RCC1L: variants seen among roughly 807,000 people sequenced by gnomAD.
RCC1L encodes RCC1 like, also known as RCC1-like G exchanging factor-like protein.
In RCC1L, 46 loss-of-function variants were observed where a neutral mutation model predicts 58.6. That is an observed-to-expected ratio of 0.79 (90% CI 0.62 to 1.00). RCC1L has a LOEUF of 1.00. Among genes scored for constraint, RCC1L ranks in the 50% least tolerant of loss-of-function variants. The pLI, the probability that RCC1L is intolerant of heterozygous loss-of-function variation, is 0.00. For missense variants in RCC1L, 636 were observed against 623.6 expected (o/e 1.02, Z -0.21); for synonymous variants, 281 against 262.9 (o/e 1.07, Z -0.67).
chr7:75,063,236 A>G, intron 5 of RCC1L, 56 bp downstream of exon 5: 2 of 1,606,918 alleles, frequency 1.2e-6, no homozygotes, highest in East Asian at 2.2e-5. Flanking sequence ...CCAAATCTCA[A>G]CTTTTCAAAA....
At chr7:75,039,117 G>A (rs1805490299), downstream of RCC1L, among the ~76,000 whole-genome samples, 1 of 152,260 alleles carries the variant, frequency 6.6e-6, no homozygotes, top group South Asian at 2.1e-4. Flanking sequence ...TGGGATTACA[G>A]ATGTGAGCCA....
Position 75,060,121 on chromosome 7 carries a change from T to C in RCC1L, c.787+1086A>G, listed in dbSNP as rs1033931904. ...TCAGAATGCCATATAGCTAGAATCC[T>C]ATAGTATGTAGCCTTTTCAGATAGG... On this transcript the variant is annotated intron_variant, in intron 6 of 10. Transcript: ENST00000610322. 2.0e-5 allele frequency among the ~76,000 whole-genome samples: 3 copies of C among 152,220 alleles called. No individual in the cohort carries two copies. The South Asian group carries it at 6.2e-4, about 32-fold the overall frequency.
chr7:75,057,667 C>G (rs920349829), intron 7 of RCC1L, 51 bp from the exon 8 acceptor site: 1 of 1,576,626 alleles, frequency 6.3e-7, no homozygotes, highest in Non-Finnish European at 8.7e-7. Flanking sequence ...CAGTAAGGAC[C>G]GGGAAGTGTT....
intron 10 of RCC1L, among the ~76,000 whole-genome samples, chr7:75,043,316 C>A (rs1828003868): frequency 6.6e-6 from 1 of 152,244 alleles, no homozygotes; most frequent in African/African-American, 2.4e-5. Context: ...TTAGGCCTCC[C>A]CAGCAGGTCC....
At chr7:75,032,064 A>G (rs1177595740) in intron 10 of RCC1L, among the ~76,000 whole-genome samples, 2 of 152,182 alleles carry the variant, frequency 1.3e-5, no homozygotes, top group Non-Finnish European at 2.9e-5. Flanking sequence ...TGCCTCTACC[A>G]TGCTCTGGTG....
intron 10 of RCC1L, among the ~76,000 whole-genome samples, chr7:75,051,355 CAT>C (rs1305977175): frequency 6.7e-6 from 1 of 149,492 alleles, no homozygotes; most frequent in Non-Finnish European, 1.5e-5. Flanking sequence ...TACACACACA[CAT>C]ATATATACAC....
chr7:75,058,533 T>C (rs1806155644), intron 7 of RCC1L, 55 bp downstream of exon 7: 1 of 1,548,254 alleles, frequency 6.5e-7, no homozygotes, highest in African/African-American at 1.4e-5. Flanking sequence ...ACCCGGCCCC[T>C]TAACACTTTA....
intron 9 of RCC1L, among the ~76,000 whole-genome samples, chr7:75,054,817 G>C (rs1806024522): frequency 6.6e-6 from 1 of 152,222 alleles, no homozygotes; most frequent in South Asian, 2.1e-4. Context: ...ACACTCAGCT[G>C]CAAATGCAAG....
At chr7:75,028,208 C>A (rs1805192097) in intron 10 of RCC1L, 1 of 865,204 alleles carries the variant, frequency 1.2e-6, no homozygotes, top group African/African-American at 1.7e-5. Flanking sequence ...GCAACCTCCA[C>A]TTCCTGGGTT....
At chr7:75,045,520 CTT>C (rs781987423) in intron 10 of RCC1L, among the ~76,000 whole-genome samples, 131 of 143,146 alleles carry the variant, frequency 9.2e-4, no homozygotes, top group Admixed American at 9.8e-4. Flanking sequence ...ATGCATCTCT[CTT>C]TTTTTTTTTT....
chr7:75,058,259 CAG>C (rs1411690322), intron 7 of RCC1L: 15 of 332,346 alleles, frequency 4.5e-5, no homozygotes, highest in African/African-American at 3.0e-4. Context: ...TTTTTCGAGA[CAG>C]AGTCTTGCTC....
Position 75,027,892 on chromosome 7 carries a change from C to A in RCC1L, c.*140G>T, listed in dbSNP as rs947281958. 10 of 961,054 alleles carry A rather than the reference C, an allele frequency of 1.0e-5. No homozygotes were observed. In the East Asian group the frequency reaches 1.0e-4, roughly 10 times the overall value. 59.5% of individuals were successfully genotyped at this position (961,054 alleles called of 1,614,324 possible). On this transcript the variant is annotated 3_prime_UTR_variant, in exon 11 of 11. Transcript: ENST00000614461. Reference sequence around the variant, plus strand: ...GCAGGGGCCGTCTGCCCTTGTCCCCCAGCTATCTCCTGGTCTGCTGGGTGG... The same window carrying A: ...GCAGGGGCCGTCTGCCCTTGTCCCCAAGCTATCTCCTGGTCTGCTGGGTGG...
At position 75,072,946 on chromosome 7, in the gene RCC1L, AT is replaced by A. The variant is rs1806819740; in HGVS notation, c.324+467del. Among the ~76,000 whole-genome samples the A allele has an allele frequency of 2.0e-5, 3 of 152,224 alleles. No homozygotes were observed. In the South Asian group the frequency reaches 6.2e-4, roughly 31 times the overall value. On this transcript the variant is annotated intron_variant, in intron 1 of 10. Transcript: ENST00000610322. The stretch of plus-strand genomic sequence containing the variant: ...CAGAGCGAGACCCTGTCTCTAAAAA[AT>A]AAATTAAAACAAAAAAATCCCCTTT...
chr7:75,061,358 G>C, intron 5 of RCC1L, 67 bp from the exon 6 acceptor site: 1 of 1,415,444 alleles, frequency 7.1e-7, no homozygotes, highest in Non-Finnish European at 1.0e-6. Flanking sequence ...CTCATCCAAA[G>C]AAGGACCAGC....
At chr7:75,064,471 C>T in intron 4 of RCC1L, 111 bp downstream of exon 4, 1 of 1,176,746 alleles carries the variant, frequency 8.5e-7, no homozygotes, top group South Asian at 1.2e-5. Context: ...TTCTCACGGC[C>T]CCCTCTCAGG....
chr7:75,060,970 A>G (rs1806258010), intron 6 of RCC1L, among the ~76,000 whole-genome samples: 1 of 152,036 alleles, frequency 6.6e-6, no homozygotes, highest in African/African-American at 2.4e-5. Context: ...GCTACTCTGG[A>G]GACTGTGGTG....
Position 75,073,732 on chromosome 7 carries a change from C to A in RCC1L, c.6G>T (p.Ala2=), listed in dbSNP as rs1276382694. 3.3e-6 allele frequency: 5 copies of A among 1,504,360 alleles called. No individual in the cohort carries two copies. The highest frequency in any genetic ancestry group is 1.2e-5 in the South Asian group (1 of 80,616). 93.2% of individuals were successfully genotyped at this position (1,504,360 alleles called of 1,614,324 possible). Residue 2 remains alanine (A), a synonymous_variant, in exon 1 of 11, where the codon GCG becomes GCT. Coordinates refer to ENST00000610322, the MANE Select transcript of RCC1L (RefSeq NM_030798.5). Reference sequence around the variant, plus strand: ...GAGCCCCAGCCACCAACGCCACCAGCGCCATCCTCCGTTCCGCGCCTCAGC... The same window carrying A: ...GAGCCCCAGCCACCAACGCCACCAGAGCCATCCTCCGTTCCGCGCCTCAGC... The part of the protein sequence containing the change: M[A]LVALVAGARL...
chr7:75,047,188 C>T (rs1805749993), intron 10 of RCC1L, among the ~76,000 whole-genome samples: 2 of 152,188 alleles, frequency 1.3e-5, no homozygotes, highest in Admixed American at 6.5e-5. Context: ...AAACTCCTGA[C>T]CTCGTGATCC....
chr7:75,028,054 T>C (rs1260817202), exon 11 of RCC1L: 44 of 1,534,388 alleles, frequency 2.9e-5, no homozygotes, highest in Non-Finnish European at 3.8e-5. Context: ...GCCTGTTGTC[T>C]TGGCGCTGGC....
Sources: gnomAD v4.1 joint callset for allele counts (sites outside exome capture counted in the v4.1 genomes callset) on GRCh38, gnomAD v4.1.1 for gene constraint, MANE v1.5 for transcripts, NCBI Gene and HGNC (gene_info 2026-07-23, HGNC 2026-07-21) for gene names.